Variants in DPYD observed in about 807,000 individuals in gnomAD.
DPYD encodes dihydropyrimidine dehydrogenase, also known as dihydropyrimidine dehydrogenase [NADP(+)].
A neutral mutation model predicts 116.2 loss-of-function variants in DPYD; 109 were observed. The observed-to-expected ratio is 0.94, with a 90% CI of 0.80 to 1.10. The LOEUF (loss-of-function observed/expected upper bound fraction) is 1.10. Ranked by LOEUF, DPYD falls within the 50% of genes least tolerant of loss-of-function variation. DPYD has a pLI of 0.00. For synonymous variants in DPYD, 440 were observed against 432.0 expected (o/e 1.02, Z -0.23); for missense variants, 1,302 against 1,254.5 (o/e 1.04, Z -0.57).
At chr1:97,383,689 C>T (rs1292297665) in intron 14 of DPYD, among the ~76,000 whole-genome samples, 2 of 152,064 alleles carry the variant, frequency 1.3e-5, no homozygotes, top group African/African-American at 4.8e-5. Flanking sequence ...AGGAACAGCG[C>T]CAGGACCCAG....
chr1:97,174,516 T>C (rs755731078), intron 20 of DPYD, among the ~76,000 whole-genome samples: 6 of 152,190 alleles, frequency 3.9e-5, no homozygotes, highest in Non-Finnish European at 5.9e-5. Flanking sequence ...CATTTGTTTA[T>C]GCCCCTAGCC....
At chr1:97,809,428 T>C (rs1429725222) in intron 3 of DPYD, among the ~76,000 whole-genome samples, 4 of 152,198 alleles carry the variant, frequency 2.6e-5, no homozygotes, top group Non-Finnish European at 4.4e-5. Flanking sequence ...GCTGTTACAA[T>C]AGCCAGCAAT....
intron 18 of DPYD, among the ~76,000 whole-genome samples, chr1:97,275,205 G>A (rs1664858829): frequency 6.6e-6 from 1 of 152,130 alleles, no homozygotes; most frequent in Non-Finnish European, 1.5e-5. Flanking sequence ...CCAGAGCATG[G>A]AATACCATGA....
chr1:97,579,589 T>G (rs1242285350), intron 10 of DPYD, among the ~76,000 whole-genome samples: 1 of 152,256 alleles, frequency 6.6e-6, no homozygotes, highest in East Asian at 1.9e-4. Context: ...CTGTGACAAG[T>G]AATTCACACA....
At chr1:97,450,381 T>G (rs943146293) in intron 13 of DPYD, among the ~76,000 whole-genome samples, 158 bp from the exon 14 acceptor site, 2 of 152,202 alleles carry the variant, frequency 1.3e-5, no homozygotes, top group Admixed American at 1.3e-4. Context: ...GAACATAAAC[T>G]ACTTGCAAAT....
intron 14 of DPYD, among the ~76,000 whole-genome samples, chr1:97,400,680 G>A (rs920435236): frequency 6.6e-6 from 1 of 152,106 alleles, no homozygotes; most frequent in African/African-American, 2.4e-5. Context: ...AGTCTTGGGA[G>A]GGTGTATGTG....
At chr1:97,457,961 A>C (rs1288402960) in intron 13 of DPYD, among the ~76,000 whole-genome samples, 1 of 152,176 alleles carries the variant, frequency 6.6e-6, no homozygotes, top group Non-Finnish European at 1.5e-5. Context: ...TGATTAATCA[A>C]CAGACAGACT....
At chr1:97,526,779 A>G (rs932692350) in intron 12 of DPYD, among the ~76,000 whole-genome samples, 1 of 152,218 alleles carries the variant, frequency 6.6e-6, no homozygotes, top group Admixed American at 6.5e-5. Context: ...TCTGACAAGC[A>G]TCAACACATT....
chr1:97,315,663 A>G (rs1667789149), intron 16 of DPYD, among the ~76,000 whole-genome samples: 1 of 152,020 alleles, frequency 6.6e-6, no homozygotes, highest in Non-Finnish European at 1.5e-5. Context: ...ACCCCAGGAT[A>G]TCTTACTGAG....
At chr1:97,644,445 T>G (rs1258383738) in intron 8 of DPYD, among the ~76,000 whole-genome samples, 1 of 151,878 alleles carries the variant, frequency 6.6e-6, no homozygotes, top group Non-Finnish European at 1.5e-5. Flanking sequence ...TTTGTTTGTT[T>G]TGAGACAGAG....
intron 19 of DPYD, among the ~76,000 whole-genome samples, chr1:97,202,872 T>C (rs1262451618): frequency 6.6e-6 from 1 of 152,120 alleles, no homozygotes; most frequent in Non-Finnish European, 1.5e-5. Context: ...AGAGATAAAA[T>C]GGGTGAGACA....
intron 8 of DPYD, among the ~76,000 whole-genome samples, chr1:97,639,553 T>C (rs1362175428): frequency 1.3e-5 from 2 of 152,154 alleles, no homozygotes; most frequent in Non-Finnish European, 1.5e-5. Flanking sequence ...AAGAGTTTAA[T>C]TTACTAGAGG....
intron 16 of DPYD, among the ~76,000 whole-genome samples, chr1:97,349,986 C>T (rs901331125): frequency 2.1e-5 from 3 of 144,598 alleles, no homozygotes; most frequent in Admixed American, 2.1e-4. Flanking sequence ...AAGAGAAATG[C>T]TATGTAAGCA....
intron 3 of DPYD, among the ~76,000 whole-genome samples, chr1:97,741,559 A>T (rs1303659498): frequency 6.6e-6 from 1 of 152,184 alleles, no homozygotes; most frequent in Non-Finnish European, 1.5e-5. Flanking sequence ...CAGGACAACT[A>T]AAACCAATGG....
At chr1:97,324,153 T>G (rs1259188582) in intron 16 of DPYD, among the ~76,000 whole-genome samples, 3 of 151,920 alleles carry the variant, frequency 2.0e-5, no homozygotes, top group East Asian at 3.9e-4. Flanking sequence ...AGCCTTTTCG[T>G]TTTTTGCCCA....
intron 20 of DPYD, among the ~76,000 whole-genome samples, chr1:97,179,595 C>A (rs1227968447): frequency 6.6e-6 from 1 of 152,098 alleles, no homozygotes; most frequent in Non-Finnish European, 1.5e-5. Context: ...GACTGGCCAG[C>A]ATGGTGTAAG....
intron 16 of DPYD, among the ~76,000 whole-genome samples, chr1:97,324,942 C>A (rs890829493): frequency 6.6e-6 from 1 of 152,052 alleles, no homozygotes; most frequent in Non-Finnish European, 1.5e-5. Flanking sequence ...CTTTCATTCT[C>A]AATACCTGCA....
At chr1:97,522,629 G>GA (rs1405427852) in intron 12 of DPYD, among the ~76,000 whole-genome samples, 3 of 151,586 alleles carry the variant, frequency 2.0e-5, no homozygotes, top group Non-Finnish European at 4.4e-5. Context: ...TGAGGCAGGA[G>GA]AATGGCGTGA....
At chr1:97,699,852 C>G (rs748522913) in intron 5 of DPYD, among the ~76,000 whole-genome samples, 23 of 151,934 alleles carry the variant, frequency 1.5e-4, no homozygotes, top group Admixed American at 3.3e-4. Flanking sequence ...CTGTATGTCT[C>G]TAACATAACC....
Sources: gnomAD v4.1 joint callset for allele counts (sites outside exome capture counted in the v4.1 genomes callset) on GRCh38, gnomAD v4.1.1 for gene constraint, MANE v1.5 for transcripts, NCBI Gene and HGNC (gene_info 2026-07-23, HGNC 2026-07-21) for gene names.